GCC2: variants seen among roughly 807,000 people sequenced by gnomAD.
GCC2 encodes GRIP and coiled-coil domain-containing protein 2.
Under a neutral mutation model 210.6 loss-of-function variants are expected in GCC2, and 120 were observed. The ratio of observed to expected loss-of-function variants is 0.57; its 90% CI spans 0.49 to 0.66. The LOEUF (loss-of-function observed/expected upper bound fraction) is 0.66. Ranked by LOEUF, GCC2 falls within the 30% of genes least tolerant of loss-of-function variation. The probability of loss-of-function intolerance (pLI) is 0.00; values close to 1 mark genes in which losing one functional copy is unlikely to be tolerated. For synonymous variants in GCC2, 703 were observed against 652.7 expected, an observed-to-expected ratio of 1.08 and a Z score of -1.17; for missense variants, 1,868 against 1,871.9, an observed-to-expected ratio of 1.00 and a Z score of 0.04.
intron 22 of GCC2, among the ~76,000 whole-genome samples, chr2:108,504,584 ACCT>A (rs1683093511): frequency 6.6e-6 from 1 of 152,186 alleles, no homozygotes; most frequent in Admixed American, 6.5e-5. Flanking sequence ...ATGTTAATTC[ACCT>A]TGCCCCCACA....
chr2:108,469,534 T>C (rs1681073609), intron 5 of GCC2, 117 bp from the exon 6 acceptor site: 2 of 672,252 alleles, frequency 3.0e-6, no homozygotes, highest in Non-Finnish European at 5.1e-6. Flanking sequence ...TTTCTCCAAA[T>C]ACATTTCTGC....
intron 12 of GCC2, 58 bp from the exon 13 acceptor site, chr2:108,484,091 A>C: frequency 8.1e-7 from 1 of 1,231,872 alleles, no homozygotes. Flanking sequence ...ATGAAAAAAA[A>C]AATTTACAAA....
chr2:108,476,218 C>T (rs1400382736), intron 9 of GCC2, among the ~76,000 whole-genome samples: 1 of 151,866 alleles, frequency 6.6e-6, no homozygotes, highest in Non-Finnish European at 1.5e-5. Flanking sequence ...CGCCACCATG[C>T]CCGGCCAGTT....
chr2:108,463,334 T>G (rs1255111945), intron 4 of GCC2, among the ~76,000 whole-genome samples: 1 of 152,210 alleles, frequency 6.6e-6, no homozygotes, highest in Non-Finnish European at 1.5e-5. Context: ...CTTTTTCCAG[T>G]TTTTTTAATT....
rs372953228 is a variant in GCC2, at chr2:108,505,708, C to A, written c.4985-1852C>A. Among the ~76,000 whole-genome samples, 4 of 151,692 alleles carry A rather than the reference C, an allele frequency of 2.6e-5. 1 individual carries two copies. The highest frequency in any genetic ancestry group is 9.7e-5 in the African/African-American group (4 of 41,310). ...TCTCCAGTCCAGCCTTCAGATGAGA[C>A]CCCAGCCATGCCAACATCTTGATTG... is the stretch of plus-strand genomic sequence containing the variant. On this transcript the variant is annotated intron_variant, in intron 22 of 22. Coordinates refer to ENST00000309863, the MANE Select transcript of GCC2 (RefSeq NM_181453.4).
chr2:108,474,339 G>A (rs1292465761), intron 7 of GCC2, among the ~76,000 whole-genome samples: 4 of 152,170 alleles, frequency 2.6e-5, no homozygotes. Context: ...TGAAAGCTAA[G>A]GCAAGTGACA....
At chr2:108,474,865 G>A (rs1050745412) in intron 7 of GCC2, 1 of 152,152 alleles carries the variant, frequency 6.6e-6, no homozygotes, top group South Asian at 2.1e-4. Context: ...GCTTGAGTAG[G>A]TAATGAGACG....
chr2:108,480,487 C>T (rs11888655), intron 9 of GCC2, among the ~76,000 whole-genome samples: 2,451 of 152,120 alleles, frequency 0.016, 70 homozygotes, highest in African/African-American at 0.056. Context: ...ATAGCAAAGA[C>T]GTGGAATCAA....
At chr2:108,507,445 C>G (rs1423320411) in intron 22 of GCC2, 115 bp from the exon 23 acceptor site, 5 of 500,374 alleles carry the variant, frequency 1.0e-5, no homozygotes, top group Admixed American at 9.8e-5. Flanking sequence ...CAGTAAAAAA[C>G]ACATTATTTG....
chr2:108,482,393 A>G lies in GCC2; in HGVS notation c.3287A>G (p.Lys1096Arg). ...CAGATTTTAGAAGTCCAGAGAGCCAAAGCAATGGTAGACAAAGAATTAGAA... is the reference window on the plus strand; with the variant it reads ...CAGATTTTAGAAGTCCAGAGAGCCAGAGCAATGGTAGACAAAGAATTAGAA... ...EVQILEVQRA[K>R]AMVDKELEAE... Residue 1096 changes from lysine to arginine, a missense_variant, in exon 11 of 23, where the codon AAA (lysine) becomes AGA (arginine). This residue lies in a region of GCC2 where 1,847 missense variants were observed against 1,765.2 expected (regional missense o/e 1.05). Coordinates refer to ENST00000309863, the MANE Select transcript of GCC2 (RefSeq NM_181453.4). 1 of 1,588,370 alleles carries G rather than the reference A, an allele frequency of 6.3e-7. No individual in the cohort carries two copies. The highest frequency in any genetic ancestry group is 8.6e-7 in the Non-Finnish European group (1 of 1,157,066).
chr2:108,505,678 ATTC>A (rs1374414092), intron 22 of GCC2, among the ~76,000 whole-genome samples: 1 of 151,808 alleles, frequency 6.6e-6, no homozygotes, highest in Non-Finnish European at 1.5e-5. Flanking sequence ...TTGGAAGTAG[ATTC>A]TTCTCCAGTC....
At chr2:108,449,549 T>A in intron 1 of GCC2, 84 bp from the exon 2 acceptor site, 1 of 1,405,596 alleles carries the variant, frequency 7.1e-7, no homozygotes, top group Non-Finnish European at 1.0e-6. Flanking sequence ...CCATAGAAGG[T>A]TTTTCCCTGT....
At chr2:108,476,040 T>C (rs998790999) in intron 9 of GCC2, among the ~76,000 whole-genome samples, 190 bp downstream of exon 9, 22 of 149,814 alleles carry the variant, frequency 1.5e-4, no homozygotes, top group Non-Finnish European at 1.2e-4. Context: ...GGTTAAGCTT[T>C]AAATAGTGGC....
At chr2:108,477,043 C>T (rs1681574642) in intron 9 of GCC2, among the ~76,000 whole-genome samples, 2 of 152,116 alleles carry the variant, frequency 1.3e-5, no homozygotes, top group Admixed American at 6.5e-5. Flanking sequence ...TATCAGTTCT[C>T]AGATTGGTTT....
chr2:108,484,151 T>C lies in GCC2; in HGVS notation c.3453T>C (p.Asp1151=). 6.4e-7 allele frequency: 1 copy of C among 1,571,022 alleles called. No homozygotes were observed. Among genetic ancestry groups the C allele is most frequent in the Non-Finnish European group, 8.6e-7 (1 of 1,164,574 alleles). ...TCTTTTACTTATAAAATGTGCAGGATGCCCAACAAACCACATTGATGAATA... is the reference window on the plus strand; with the variant it reads ...TCTTTTACTTATAAAATGTGCAGGACGCCCAACAAACCACATTGATGAATA... ...TMQELELVKK[D]AQQTTLMNME... Residue 1151 remains aspartate, a splice_region_variant and synonymous_variant, in exon 13 of 23, where the codon GAT becomes GAC. Transcript: ENST00000309863.
intron 21 of GCC2, among the ~76,000 whole-genome samples, chr2:108,497,845 C>T (rs997061380): frequency 2.6e-5 from 4 of 152,142 alleles, no homozygotes; most frequent in African/African-American, 9.7e-5. Context: ...GTTATTTAAT[C>T]TCATCACTGG....
intron 2 of GCC2, among the ~76,000 whole-genome samples, chr2:108,450,819 TTA>T (rs1679896470): frequency 6.6e-6 from 1 of 152,052 alleles, no homozygotes; most frequent in Non-Finnish European, 1.5e-5. Context: ...GAGGCAGAGG[TTA>T]CAAGTGAGCC....
chr2:108,485,350 T>C (rs1682083312), intron 13 of GCC2, among the ~76,000 whole-genome samples: 1 of 151,726 alleles, frequency 6.6e-6, no homozygotes, highest in Non-Finnish European at 1.5e-5. Context: ...AAAAAAGATG[T>C]TTGTAGTCCA....
intron 15 of GCC2, 59 bp downstream of exon 15, chr2:108,485,967 A>AT (rs1230172118): frequency 1.3e-6 from 1 of 752,290 alleles, no homozygotes; most frequent in Non-Finnish European, 2.2e-6. Context: ...GTGAGGTACC[A>AT]TTTAGAGATT....
Sources: allele counts gnomAD v4.1 joint callset (sites outside exome capture counted in the v4.1 genomes callset), GRCh38; gene constraint gnomAD v4.1.1; regional missense constraint gnomAD v4.1.1; transcripts MANE v1.5; gene names NCBI Gene and HGNC (gene_info 2026-07-23, HGNC 2026-07-21).